DENND1B: variants seen among roughly 807,000 people sequenced by gnomAD.
DENND1B encodes the protein DENN domain-containing protein 1B.
In DENND1B, 59 loss-of-function variants were observed where a neutral mutation model predicts 90.1. The ratio of observed to expected loss-of-function variants is 0.65; its 90% confidence interval spans 0.53 to 0.81. The LOEUF is 0.81. Among genes scored for constraint, DENND1B ranks in the 40% least tolerant of loss-of-function variants. DENND1B has a pLI of 0.00. For missense variants in DENND1B, 862 were observed against 912.6 expected (o/e 0.94, Z 0.71); for synonymous variants, 337 against 324.6 (o/e 1.04, Z -0.41).
At chr1:197,714,987 A>C (rs747075137) in intron 3 of DENND1B, 44 bp downstream of exon 3, 3 of 1,459,218 alleles carry the variant, frequency 2.1e-6, no homozygotes, top group Non-Finnish European at 2.9e-6. Flanking sequence ...CAACAATCAT[A>C]ATACTTCAAC....
chr1:197,553,743 T>G (rs912840143), intron 15 of DENND1B, among the ~76,000 whole-genome samples: 2 of 152,182 alleles, frequency 1.3e-5, no homozygotes, highest in African/African-American at 4.8e-5. Flanking sequence ...ACAACTTTCA[T>G]AGTTCCTGGC....
intron 2 of DENND1B, among the ~76,000 whole-genome samples, chr1:197,726,225 T>G (rs999414572): frequency 2.0e-5 from 3 of 152,116 alleles, no homozygotes; most frequent in Admixed American, 2.0e-4. Flanking sequence ...GAACCTGACG[T>G]GGACCCAGTG....
At chr1:197,619,252 C>A (rs922995425) in intron 10 of DENND1B, among the ~76,000 whole-genome samples, 2 of 151,110 alleles carry the variant, frequency 1.3e-5, no homozygotes, top group Non-Finnish European at 3.0e-5. Flanking sequence ...TTCCATTTAA[C>A]AATTATAGAC....
In DENND1B at chr1:197,758,960, ATTTT is replaced by A. The variant is rs759108636; in HGVS notation, c.82+13904_82+13907del. Among the ~76,000 whole-genome samples the A allele has an allele frequency of 1.5e-3, 143 of 97,834 alleles. 1 individual carries two copies. The highest frequency in any genetic ancestry group is 4.8e-3 in the African/African-American group (131 of 27,292). 64.2% of individuals were successfully genotyped at this position (97,834 alleles called of 152,430 possible). ...TCCCAAAGAATAGAGTACTTCATTA[ATTTT>A]TTTTTTTTTTTTTTTTTTTTTTTAA... On this transcript the variant is annotated intron_variant, in intron 2 of 22. Transcript: ENST00000620048.
At chr1:197,650,753 A>G (rs1439332206) in intron 7 of DENND1B, among the ~76,000 whole-genome samples, 1 of 152,222 alleles carries the variant, frequency 6.6e-6, no homozygotes, top group Non-Finnish European at 1.5e-5. Context: ...TTCTAAGTGA[A>G]GTGCCTCAGG....
At chr1:197,702,696 C>G (rs891361736) in intron 3 of DENND1B, among the ~76,000 whole-genome samples, 1 of 152,078 alleles carries the variant, frequency 6.6e-6, no homozygotes, top group Admixed American at 6.6e-5. Flanking sequence ...TTCACTTTTC[C>G]TATTTTACTA....
intron 7 of DENND1B, among the ~76,000 whole-genome samples, chr1:197,647,387 C>T (rs1484689229): frequency 1.3e-5 from 2 of 152,018 alleles, no homozygotes; most frequent in Non-Finnish European, 2.9e-5. Context: ...TCTCATTAGA[C>T]ATTAACTTTT....
At chr1:197,674,273 T>C (rs1010447181) in intron 3 of DENND1B, 104 bp from the exon 4 acceptor site, 1 of 797,448 alleles carries the variant, frequency 1.3e-6, no homozygotes, top group African/African-American at 1.8e-5. Context: ...GATGCTTTCT[T>C]TGTCCTTAAG....
At chr1:197,527,788 A>C (rs1454612293) in intron 20 of DENND1B, among the ~76,000 whole-genome samples, 1 of 152,072 alleles carries the variant, frequency 6.6e-6, no homozygotes, top group East Asian at 1.9e-4. Context: ...CTCTCACCCC[A>C]TGTAACAACT....
intron 2 of DENND1B, among the ~76,000 whole-genome samples, chr1:197,731,580 T>A (rs1000973096): frequency 6.6e-6 from 1 of 152,168 alleles, no homozygotes; most frequent in African/African-American, 2.4e-5. Flanking sequence ...CATATAGACA[T>A]GCCATGCATT....
intron 2 of DENND1B, among the ~76,000 whole-genome samples, chr1:197,762,416 G>A (rs925503900): frequency 3.9e-5 from 6 of 152,022 alleles, no homozygotes; most frequent in African/African-American, 7.2e-5. Flanking sequence ...ACAGGTGCCC[G>A]CCACCAAGCT....
At chr1:197,719,219 G>A (rs1660928973) in intron 2 of DENND1B, among the ~76,000 whole-genome samples, 1 of 152,102 alleles carries the variant, frequency 6.6e-6, no homozygotes, top group African/African-American at 2.4e-5. Context: ...GGAAAGTAAA[G>A]GTAGACAGAA....
At chr1:197,674,585 G>A (rs1655864785) in intron 3 of DENND1B, among the ~76,000 whole-genome samples, 1 of 151,590 alleles carries the variant, frequency 6.6e-6, no homozygotes. Flanking sequence ...TTAAAATGCA[G>A]GCAGAGAAAA....
rs1294453244 is a variant in DENND1B at position 197,510,997 on chromosome 1, C to T, written c.1816-25G>A. On this transcript the variant is annotated intron_variant, in intron 22 of 22. Coordinates refer to ENST00000620048, the MANE Select transcript of DENND1B (RefSeq NM_001195215.2). Reference sequence around the variant, plus strand: ...TCTGAAAAAAAGAAGAAACAACAAACTCAGAAAACTTTTAATAAGCATTAA... The same window carrying T: ...TCTGAAAAAAAGAAGAAACAACAAATTCAGAAAACTTTTAATAAGCATTAA... The T allele has an allele frequency of 4.1e-6, 6 of 1,475,726 alleles. No individual in the cohort carries two copies. The African/African-American group carries it at 7.1e-5, about 17-fold the overall frequency. 91.4% of individuals were successfully genotyped at this position (1,475,726 alleles called of 1,614,324 possible). A position where few individuals can be genotyped will look rare whatever the true frequency, so the allele number is the denominator to read the frequency against.
At chr1:197,624,533 C>T (rs1189145556) in intron 10 of DENND1B, among the ~76,000 whole-genome samples, 2 of 151,562 alleles carry the variant, frequency 1.3e-5, no homozygotes, top group Non-Finnish European at 3.0e-5. Flanking sequence ...AGAGACAACA[C>T]CAAAGTCATG....
At chr1:197,750,516 T>C (rs574124612) in intron 2 of DENND1B, among the ~76,000 whole-genome samples, 34 of 152,134 alleles carry the variant, frequency 2.2e-4, no homozygotes, top group South Asian at 8.3e-4. Flanking sequence ...AATACAAATG[T>C]ATCAAACATT....
intron 15 of DENND1B, among the ~76,000 whole-genome samples, chr1:197,581,767 T>G (rs1157383501): frequency 2.6e-5 from 4 of 152,184 alleles, no homozygotes; most frequent in African/African-American, 9.7e-5. Context: ...GGGAAATAAG[T>G]TAGATATTCT....
rs370424248 is a variant in DENND1B at position 197,614,297 on chromosome 1, C to T, written c.774-2321G>A. 8.6e-5 allele frequency among the ~76,000 whole-genome samples: 13 copies of T among 151,000 alleles called. 1 individual carries two copies. The highest frequency in any genetic ancestry group is 7.9e-4 in the Admixed American group (12 of 15,104). ...AAAATCTAAAACACAGATGTTAGAA[C>T]TGTAAACATTATTAACCTAGAGACT... On this transcript the variant is annotated intron_variant, in intron 11 of 22. Transcript: ENST00000620048.
At chr1:197,713,801 T>TTATAATATAATATATTATA (rs1176907709) in intron 3 of DENND1B, among the ~76,000 whole-genome samples, 1 of 32,586 alleles carries the variant, frequency 3.1e-5, no homozygotes, top group Non-Finnish European at 5.8e-5. Context: ...TATTATTATA[T>TTATAATATAATATATTATA]TATAATATAT....
Sources: allele counts gnomAD v4.1 joint callset (sites outside exome capture counted in the v4.1 genomes callset), GRCh38; gene constraint gnomAD v4.1.1; transcripts MANE v1.5; gene names NCBI Gene and HGNC (gene_info 2026-07-23, HGNC 2026-07-21).